Variants in USP34 observed in about 807,000 individuals in gnomAD.
USP34 encodes the protein ubiquitin carboxyl-terminal hydrolase 34.
In USP34, 70 loss-of-function variants were observed where a neutral mutation model predicts 460.3. The observed-to-expected ratio is 0.15, with a 90% CI of 0.13 to 0.19. USP34 has a LOEUF of 0.19. Ranked by LOEUF, USP34 falls within the 10% of genes least tolerant of loss-of-function variation. The pLI is 1.00. For synonymous variants in USP34, 1,647 were observed against 1,405.3 expected (o/e 1.17, Z -3.85); for missense variants, 3,985 against 4,236.2 (o/e 0.94, Z 1.65).
chr2:61,408,675 C>A (rs981308629), intron 2 of USP34, among the ~76,000 whole-genome samples: 11 of 151,704 alleles, frequency 7.3e-5, no homozygotes, highest in Non-Finnish European at 1.2e-4. Context: ...GCAAGCAGAT[C>A]ACTTAAGGTC....
At chr2:61,470,578 C>T in intron 1 of USP34, 72 bp downstream of exon 1, 1 of 1,099,552 alleles carries the variant, frequency 9.1e-7, no homozygotes, top group Non-Finnish European at 1.3e-6. Flanking sequence ...CCGCGGCAGC[C>T]CGGGGAGGCC....
chr2:61,364,078 T>C (rs951120325), intron 10 of USP34, among the ~76,000 whole-genome samples: 1 of 152,156 alleles, frequency 6.6e-6, no homozygotes, highest in Non-Finnish European at 1.5e-5. Flanking sequence ...AGACAGAAGA[T>C]GACAGAATGT....
At chr2:61,265,178 CTG>C (rs1689011495) in intron 43 of USP34, 2 of 511,396 alleles carry the variant, frequency 3.9e-6, no homozygotes, top group African/African-American at 2.0e-5. Context: ...TATTCCATAG[CTG>C]TGTTTTCCTT....
At position 61,191,991 on chromosome 2, in the gene USP34, AGAT is replaced by A. The variant is rs777531482; in HGVS notation, c.9588+907_9588+909del. Among the ~76,000 whole-genome samples the A allele has an allele frequency of 6.4e-4, 98 of 152,216 alleles. 1 individual carries two copies. The highest frequency in any genetic ancestry group is 9.6e-4 in the Non-Finnish European group (65 of 68,034). On this transcript the variant is annotated intron_variant, in intron 76 of 79. Coordinates refer to ENST00000398571, the MANE Select transcript of USP34 (RefSeq NM_014709.4). Reference sequence around the variant, plus strand: ...AACGTGGCATTTCTTCAGGGGATGGAGATGACTCTGATAAGGTCTCTACACTTG... The same window carrying A: ...AACGTGGCATTTCTTCAGGGGATGGAGACTCTGATAAGGTCTCTACACTTG...
At chr2:61,189,142 C>G (rs1686541978) in intron 78 of USP34, 73 bp from the exon 79 acceptor site, 2 of 1,469,662 alleles carry the variant, frequency 1.4e-6, no homozygotes, top group South Asian at 1.4e-5. Context: ...CAGTTAATTG[C>G]AGATGTTTAT....
Position 61,256,401 on chromosome 2 carries a change from T to G in USP34, c.6204A>C (p.Lys2068Asn). The G allele has an allele frequency of 6.2e-7, 1 of 1,612,302 alleles. No individual in the cohort carries two copies. The highest frequency in any genetic ancestry group is 8.5e-7 in the Non-Finnish European group (1 of 1,179,176). The change falls in exon 48 of 80, where the codon AAA becomes AAC. Residue 2068 changes from lysine (K) to asparagine (N), a missense_variant. Physicochemically the swap from Lys to Asn is moderately conservative, Grantham distance 94. Coordinates refer to ENST00000398571, the MANE Select transcript of USP34 (RefSeq NM_014709.4). ...NMYTCSHCGK[K>N]VRAEKRACFK... ...AAGCATACCTTTTTTCAGCTCGTAC[T>G]TTCTTCCCACAATGAGAACAAGTAT...
intron 33 of USP34, among the ~76,000 whole-genome samples, chr2:61,290,920 C>T (rs1689831306): frequency 6.6e-6 from 1 of 151,932 alleles, no homozygotes; most frequent in African/African-American, 2.4e-5. Context: ...TTTGTAGATA[C>T]AACATCAAAA....
Position 61,350,276 on chromosome 2 carries a change from G to A in USP34, c.1491C>T (p.Pro497=), listed in dbSNP as rs753119409. 3 of 1,603,258 alleles carry A rather than the reference G, an allele frequency of 1.9e-6. No homozygotes were observed. The highest frequency in any genetic ancestry group is 1.7e-5 in the Admixed American group (1 of 57,856). ...SFASLLNTNI[P]IGNKKEEEEL... ...ATTACTAACCTTTCTTATTTCCAAT[G>A]GGAATATTAGTATTTAATAAAGATG... Residue 497 remains proline, a synonymous_variant, in exon 12 of 80, where the codon CCC becomes CCT. Transcript: ENST00000398571.
At chr2:61,325,730 A>G (rs1572936723) in intron 20 of USP34, among the ~76,000 whole-genome samples, 1 of 152,300 alleles carries the variant, frequency 6.6e-6, no homozygotes, top group African/African-American at 2.4e-5. Context: ...AAGCAGAGGA[A>G]GTATGTCATT....
At chr2:61,317,840 A>G (rs1334552607) in intron 22 of USP34, 73 bp from the exon 23 acceptor site, 1 of 1,123,060 alleles carries the variant, frequency 8.9e-7, no homozygotes, top group Non-Finnish European at 1.3e-6. Flanking sequence ...ATTTAAATAA[A>G]CTTTACTGAA....
intron 1 of USP34, among the ~76,000 whole-genome samples, chr2:61,435,063 G>GGA (rs1016197240): frequency 1.3e-5 from 2 of 151,826 alleles, no homozygotes; most frequent in Non-Finnish European, 2.9e-5. Flanking sequence ...CAGCACTTTG[G>GGA]GAGGCCAAGG....
At chr2:61,336,102 T>C (rs1212778726) in intron 18 of USP34, among the ~76,000 whole-genome samples, 2 of 151,918 alleles carry the variant, frequency 1.3e-5, no homozygotes, top group Admixed American at 1.3e-4. Context: ...ATATAGTCTC[T>C]AGGGAAGCAA....
chr2:61,203,647 T>C (rs939852204), intron 74 of USP34, among the ~76,000 whole-genome samples: 6 of 152,106 alleles, frequency 3.9e-5, no homozygotes, highest in Non-Finnish European at 8.8e-5. Context: ...ACTTCTCAAG[T>C]ATACTGAAAA....
At chr2:61,256,628 TC>T in intron 47 of USP34, 150 bp from the exon 48 acceptor site, 1 of 682,226 alleles carries the variant, frequency 1.5e-6, no homozygotes, top group Non-Finnish European at 2.3e-6. Context: ...AAACTGTTTT[TC>T]CTCATATTAA....
intron 1 of USP34, among the ~76,000 whole-genome samples, chr2:61,453,434 G>A (rs984662948): frequency 1.3e-5 from 2 of 151,822 alleles, no homozygotes; most frequent in African/African-American, 4.8e-5. Flanking sequence ...AACAAGCCAG[G>A]TGCAGTGGCT....
intron 1 of USP34, among the ~76,000 whole-genome samples, chr2:61,422,815 A>C (rs1694400873): frequency 6.6e-6 from 1 of 152,182 alleles, no homozygotes; most frequent in South Asian, 2.1e-4. Flanking sequence ...CCTGAGCAGC[A>C]TAGTGAAACC....
At chr2:61,411,288 A>G (rs959532613) in intron 2 of USP34, among the ~76,000 whole-genome samples, 2 of 151,938 alleles carry the variant, frequency 1.3e-5, no homozygotes, top group African/African-American at 2.4e-5. Flanking sequence ...AGGCAAAGAT[A>G]AGAGGATTGC....
At position 61,214,399 on chromosome 2, in the gene USP34, G is replaced by C. The variant is rs969300413; in HGVS notation, c.8343C>G (p.Asn2781Lys). Residue 2781 changes from asparagine to lysine, a missense_variant, in exon 68 of 80, where the codon AAC (asparagine) becomes AAG (lysine). Asn to Lys is a moderately conservative substitution (Grantham distance 94). Coordinates refer to ENST00000398571, the MANE Select transcript of USP34 (RefSeq NM_014709.4). Reference protein sequence around the residue: ...MFSTYFMDLWNLFQPKLSEPA... With the variant: ...MFSTYFMDLWKLFQPKLSEPA... ...GCTCAGAAAGTTTAGGCTGGAAAAG[G>C]TTCCACAAATCCATGAAATATGTGG... The C allele has an allele frequency of 6.2e-7, 1 of 1,614,120 alleles. No individual in the cohort carries two copies. The highest frequency in any genetic ancestry group is 8.5e-7 in the Non-Finnish European group (1 of 1,180,010).
chr2:61,197,807 T>C (rs1238467631), intron 75 of USP34, among the ~76,000 whole-genome samples: 1 of 152,202 alleles, frequency 6.6e-6, no homozygotes, highest in Non-Finnish European at 1.5e-5. Context: ...TTGCTCAGGC[T>C]GGAGTGCAGT....
Sources: allele counts gnomAD v4.1 joint callset (sites outside exome capture counted in the v4.1 genomes callset), GRCh38; gene constraint gnomAD v4.1.1; transcripts MANE v1.5; gene names NCBI Gene and HGNC (gene_info 2026-07-23, HGNC 2026-07-21).